GOSR1: variants seen among roughly 807,000 people sequenced by gnomAD.
GOSR1 encodes the protein 28 kDa Golgi SNARE protein.
A neutral mutation model predicts 35.5 loss-of-function variants in GOSR1; 21 were observed. The ratio of observed to expected loss-of-function variants is 0.59; its 90% confidence interval spans 0.42 to 0.85. The LOEUF (loss-of-function observed/expected upper bound fraction) is 0.85, where lower values mean the gene tolerates loss of function less well. Ranked by LOEUF, GOSR1 falls within the 40% of genes least tolerant of loss-of-function variation. The pLI, the probability that GOSR1 is intolerant of heterozygous loss-of-function variation, is 0.00. For synonymous variants in GOSR1, 94 were observed against 106.6 expected, an observed-to-expected ratio of 0.88 and a Z score of 0.73; for missense variants, 285 against 309.6, an observed-to-expected ratio of 0.92 and a Z score of 0.60.
intron 7 of GOSR1, among the ~76,000 whole-genome samples, chr17:30,518,491 T>A (rs901740790): frequency 2.6e-5 from 4 of 152,202 alleles, no homozygotes; most frequent in Non-Finnish European, 5.9e-5. Context: ...TTTCATTTTC[T>A]GTTGCTATTT....
chr17:30,489,983 G>T (rs1056468552), intron 4 of GOSR1, 143 bp from the exon 5 acceptor site: 2 of 580,108 alleles, frequency 3.4e-6, no homozygotes, highest in African/African-American at 3.8e-5. Context: ...TAATTTTAAA[G>T]TTATTTTTAC....
intron 6 of GOSR1, among the ~76,000 whole-genome samples, chr17:30,498,155 CT>C (rs531341013): frequency 2.0e-3 from 287 of 142,316 alleles, no homozygotes; most frequent in South Asian, 4.7e-3. Flanking sequence ...TATTCAAATC[CT>C]TTTTTTTTTT....
intron 7 of GOSR1, among the ~76,000 whole-genome samples, chr17:30,515,634 A>C (rs1018723967): frequency 2.6e-5 from 4 of 152,208 alleles, no homozygotes; most frequent in Non-Finnish European, 2.9e-5. Flanking sequence ...CCTCAGAGAG[A>C]GTGATCCCTT....
intron 6 of GOSR1, among the ~76,000 whole-genome samples, chr17:30,493,813 T>C (rs1196262266): frequency 6.6e-6 from 1 of 152,186 alleles, no homozygotes; most frequent in East Asian, 1.9e-4. Flanking sequence ...GGTGCATATA[T>C]TCCATAATAA....
chr17:30,512,470 G>A lies in GOSR1; in HGVS notation c.539+1561G>A, dbSNP rs554087491. Among the ~76,000 whole-genome samples, 115 of 152,130 alleles carry A rather than the reference G, an allele frequency of 7.6e-4. 1 individual carries two copies. Among genetic ancestry groups the A allele is most frequent in the South Asian group, 2.1e-3 (10 of 4,826 alleles). ...TTTACTCCTAAATATTTCAGTGTTC[G>A]TTTCCTAAATATCTGTTTCTTTTGT... On this transcript the variant is annotated intron_variant, in intron 7 of 8. Transcript: ENST00000451249.
chr17:30,484,871 A>G (rs761126513), intron 4 of GOSR1, 101 bp downstream of exon 4: 5 of 736,352 alleles, frequency 6.8e-6, no homozygotes, highest in Admixed American at 2.0e-5. Context: ...TAAAAGGACA[A>G]AGAGAAAAAT....
chr17:30,477,877 C>G, intron 1 of GOSR1: 1 of 985,112 alleles, frequency 1.0e-6, no homozygotes, highest in South Asian at 4.7e-5. Flanking sequence ...GCTGAGGTCA[C>G]TATTGGAAAA....
chr17:30,523,931 T>G lies in GOSR1; in HGVS notation c.*1553T>G, dbSNP rs1968134132. On this transcript the variant is annotated 3_prime_UTR_variant, in exon 9 of 9. Coordinates refer to ENST00000451249, the MANE Select transcript of GOSR1 (RefSeq NM_001007025.2). ...TATGACCTTACCCCCAACCTGGTGC[T>G]CTCTGAAACATGTGCTGTGTCCACT... The G allele has an allele frequency of 1.3e-5, 3 of 225,312 alleles. No homozygotes were observed. The highest frequency in any genetic ancestry group is 2.6e-5 in the Non-Finnish European group (3 of 117,130). The allele number at this position is 225,312 out of a possible 1,614,324, so 14.0% of individuals were successfully genotyped here.
intron 6 of GOSR1, among the ~76,000 whole-genome samples, chr17:30,509,101 G>A (rs1319772470): frequency 1.3e-5 from 2 of 151,984 alleles, no homozygotes; most frequent in Admixed American, 6.5e-5. Context: ...TCAGCCTCCC[G>A]AGTAGCTGGG....
intron 1 of GOSR1, chr17:30,480,908 C>T (rs995013853): frequency 3.0e-6 from 1 of 333,336 alleles, no homozygotes; most frequent in African/African-American, 2.1e-5. Flanking sequence ...GATAGGGTTT[C>T]TCCATGTTGA....
chr17:30,477,708 G>A (rs889301358), intron 1 of GOSR1: 3 of 985,340 alleles, frequency 3.0e-6, no homozygotes, highest in Non-Finnish European at 3.6e-6. Context: ...GGACAGAGCG[G>A]GGATGTAGAG....
rs1287362549 is a variant in GOSR1, at chr17:30,523,371, G to A, written c.*993G>A. The A allele has an allele frequency of 3.4e-5, 6 of 176,094 alleles. No individual in the cohort carries two copies. Among genetic ancestry groups the A allele is most frequent in the East Asian group, 1.8e-4 (1 of 5,600 alleles). The allele number at this position is 176,094 out of a possible 1,614,324, so 10.9% of individuals were successfully genotyped here. On this transcript the variant is annotated 3_prime_UTR_variant, in exon 9 of 9. Coordinates refer to ENST00000451249, the MANE Select transcript of GOSR1 (RefSeq NM_001007025.2). ...CGACCCCGTCTGGGAGGTGAGGAGC[G>A]TCTCTGTCTGGCCACCCCGTCTGAG...
chr17:30,522,329 G>T lies in GOSR1; in HGVS notation c.698G>T (p.Gly233Val). Residue 233 changes from glycine to valine, a missense_variant, in exon 9 of 9, where the codon GGT becomes GTT. By Grantham distance (109) the Gly-to-Val change is moderately radical. This residue lies in a region of GOSR1 where 168 missense variants were observed against 183.2 expected (regional missense o/e 0.92). Transcript: ENST00000451249. The stretch of plus-strand genomic sequence containing the variant: ...CGGCGGGACTCGCTCATCCTAGGGG[G>T]TGTTATTGGGATCTGTACCATCCTG... ...RKRRDSLILG[G>V]VIGICTILLL... 5 of 1,610,144 alleles carry T rather than the reference G, an allele frequency of 3.1e-6. No individual in the cohort carries two copies. The highest frequency in any genetic ancestry group is 1.1e-5 in the South Asian group (1 of 90,002).
Position 30,490,146 on chromosome 17 carries a change from TA to T in GOSR1, c.367del (p.Thr123ProfsTer31). On this transcript the variant is annotated frameshift_variant, in exon 5 of 9. Transcript: ENST00000451249. LOFTEE classifies it high-confidence loss of function. ...ILQDYTHEFHKTKANFMAIRE... is the reference protein window; with the variant it reads ...ILQDYTHEFHXTKANFMAIRE... ...TACAGGATTATACACATGAATTCCA[TA>T]AAACCAAAGCAAACTTTATGGCAAT... The T allele has an allele frequency of 6.5e-7, 1 of 1,545,698 alleles. No homozygotes were observed. The highest frequency in any genetic ancestry group is 8.9e-7 in the Non-Finnish European group (1 of 1,118,346).
Position 30,527,088 on chromosome 17 carries a change from T to G in GOSR1, c.*4710T>G, listed in dbSNP as rs890630680. 6.6e-6 allele frequency: 1 copy of G among 152,220 alleles called. No homozygotes were observed. The highest frequency in any genetic ancestry group is 6.5e-5 in the Admixed American group (1 of 15,280). 9.4% of individuals were successfully genotyped at this position (152,220 alleles called of 1,614,324 possible). ...CAATTGTAGAATTGGCTGGGTGCAG[T>G]GGCTAACACCTGTAATCCCAGCAGT... On this transcript the variant is annotated 3_prime_UTR_variant, in exon 9 of 9. Coordinates refer to ENST00000451249, the MANE Select transcript of GOSR1 (RefSeq NM_001007025.2).
chr17:30,526,959 A>G lies in GOSR1; in HGVS notation c.*4581A>G, dbSNP rs1175784821. 6.6e-6 allele frequency: 1 copy of G among 152,224 alleles called. No individual in the cohort carries two copies. Among genetic ancestry groups the G allele is most frequent in the African/African-American group, 2.4e-5 (1 of 41,458 alleles). 9.4% of individuals were successfully genotyped at this position (152,224 alleles called of 1,614,324 possible). The stretch of plus-strand genomic sequence containing the variant: ...AATACAGGTGCTGAAAAGCTGTCAC[A>G]TGTCATTCAGAAACCATCATATGAA... On this transcript the variant is annotated 3_prime_UTR_variant, in exon 9 of 9. Transcript: ENST00000451249.
chr17:30,501,743 C>A (rs752018390), intron 6 of GOSR1, among the ~76,000 whole-genome samples: 2 of 152,232 alleles, frequency 1.3e-5, no homozygotes, highest in Non-Finnish European at 2.9e-5. Flanking sequence ...ATCCACCCGC[C>A]TTGGCCTCCC....
chr17:30,524,363 A>C lies in GOSR1; in HGVS notation c.*1985A>C, dbSNP rs1968146621. On this transcript the variant is annotated 3_prime_UTR_variant, in exon 9 of 9. Coordinates refer to ENST00000451249, the MANE Select transcript of GOSR1 (RefSeq NM_001007025.2). The stretch of plus-strand genomic sequence containing the variant: ...ATTTGGGGAAAATTCTGTTTTTCAT[A>C]GATTCTTTGAGATGCTGATGGACCA... The C allele has an allele frequency of 6.6e-6, 1 of 152,134 alleles. No individual in the cohort carries two copies. Among genetic ancestry groups the C allele is most frequent in the Non-Finnish European group, 1.5e-5 (1 of 68,032 alleles). 9.4% of individuals were successfully genotyped at this position (152,134 alleles called of 1,614,324 possible). A position where few individuals can be genotyped will look rare whatever the true frequency, so the allele number is the denominator to read the frequency against.
chr17:30,482,841 T>TA (rs1914441579), intron 2 of GOSR1: 1 of 152,266 alleles, frequency 6.6e-6, no homozygotes, highest in South Asian at 2.1e-4. Context: ...ATGTTCTTTC[T>TA]ATGCATTTTC....
Sources: gnomAD v4.1 joint callset for allele counts (sites outside exome capture counted in the v4.1 genomes callset) on GRCh38, gnomAD v4.1.1 for gene constraint, gnomAD v4.1.1 regional missense constraint, MANE v1.5 for transcripts, NCBI Gene and HGNC (gene_info 2026-07-23, HGNC 2026-07-21) for gene names.